Variants in CYB5R4 observed in about 807,000 individuals in gnomAD.
CYB5R4 encodes cytochrome b5 reductase 4.
In CYB5R4, 55 loss-of-function variants were observed where a neutral mutation model predicts 70.2. The ratio of observed to expected loss-of-function variants is 0.78; its 90% CI spans 0.63 to 0.98. The LOEUF is 0.98. CYB5R4 is among the 50% of genes least tolerant of loss of function. The probability of loss-of-function intolerance (pLI) is 0.00; values close to 1 mark genes in which losing one functional copy is unlikely to be tolerated. For synonymous variants in CYB5R4, 197 were observed against 199.5 expected, an observed-to-expected ratio of 0.99 and a Z score of 0.11; for missense variants, 562 against 612.6, an observed-to-expected ratio of 0.92 and a Z score of 0.87.
At chr6:83,884,350 C>G (rs1277622160) in intron 2 of CYB5R4, among the ~76,000 whole-genome samples, 1 of 151,938 alleles carries the variant, frequency 6.6e-6, no homozygotes, top group Non-Finnish European at 1.5e-5. Flanking sequence ...AAAAAGTATG[C>G]TATCCAGCTA....
chr6:83,899,845 TTCTTCTC>T (rs2099462578), intron 3 of CYB5R4, among the ~76,000 whole-genome samples: 1 of 152,284 alleles, frequency 6.6e-6, no homozygotes, highest in South Asian at 2.1e-4. Flanking sequence ...ATCTATTTGA[TTCTTCTC>T]TCTTTTCTTC....
At chr6:83,870,258 C>A (rs1219160879) in intron 2 of CYB5R4, among the ~76,000 whole-genome samples, 2 of 152,140 alleles carry the variant, frequency 1.3e-5, no homozygotes, top group Non-Finnish European at 2.9e-5. Flanking sequence ...TTCCAAGGAG[C>A]AATGGGTCAG....
chr6:83,877,052 G>A (rs562619641), intron 2 of CYB5R4, among the ~76,000 whole-genome samples: 3 of 152,130 alleles, frequency 2.0e-5, no homozygotes, highest in East Asian at 3.9e-4. Context: ...GGATGGTTTC[G>A]ATCTCCTGAC....
At chr6:83,864,073 G>A (rs935263095) in intron 1 of CYB5R4, 102 bp from the exon 2 acceptor site, 1 of 1,096,700 alleles carries the variant, frequency 9.1e-7, no homozygotes, top group South Asian at 1.8e-5. Context: ...TCTTAAAACT[G>A]TAAAAGGATT....
chr6:83,956,644 T>C (rs960796966), intron 15 of CYB5R4, among the ~76,000 whole-genome samples: 5 of 152,150 alleles, frequency 3.3e-5, no homozygotes, highest in African/African-American at 1.2e-4. Flanking sequence ...GAAGAAGATC[T>C]AGCTATGTTA....
At chr6:83,876,405 T>C (rs2099458561) in intron 2 of CYB5R4, among the ~76,000 whole-genome samples, 1 of 152,146 alleles carries the variant, frequency 6.6e-6, no homozygotes, top group African/African-American at 2.4e-5. Flanking sequence ...CCATAAATTC[T>C]TCAACTGCCT....
intron 7 of CYB5R4, among the ~76,000 whole-genome samples, chr6:83,920,284 C>A (rs1016381751): frequency 2.6e-5 from 4 of 152,106 alleles, no homozygotes; most frequent in Admixed American, 2.6e-4. Flanking sequence ...CATGTCTGAA[C>A]CAGTGGGTTC....
At chr6:83,924,698 C>T (rs2099466980) in intron 10 of CYB5R4, 106 bp downstream of exon 10, 2 of 1,175,918 alleles carry the variant, frequency 1.7e-6, no homozygotes, top group African/African-American at 1.5e-5. Flanking sequence ...GCTGAAGGGT[C>T]CTTGTATCTA....
intron 12 of CYB5R4, among the ~76,000 whole-genome samples, chr6:83,939,098 A>G (rs1361761441): frequency 6.6e-6 from 1 of 152,086 alleles, no homozygotes; most frequent in African/African-American, 2.4e-5. Context: ...GGCCTCCCGA[A>G]GTGCTGGGAT....
chr6:83,872,947 A>T (rs2099457876), intron 2 of CYB5R4, among the ~76,000 whole-genome samples: 2 of 152,222 alleles, frequency 1.3e-5, no homozygotes, highest in Admixed American at 6.5e-5. Flanking sequence ...ATTAATGTCT[A>T]CCACAGAGAG....
In CYB5R4 at chr6:83,934,726, C is replaced by A. The variant is rs10080628; in HGVS notation, c.946C>A (p.Pro316Thr). 1 of 1,612,022 alleles carries A rather than the reference C, an allele frequency of 6.2e-7. No individual in the cohort carries two copies. Among genetic ancestry groups the A allele is most frequent in the South Asian group, 1.1e-5 (1 of 90,658 alleles). Residue 316 changes from proline to threonine, a missense_variant, in exon 11 of 16, where the codon CCT (proline) becomes ACT (threonine). By Grantham distance (38) the Pro-to-Thr change is conservative. Transcript: ENST00000369681. ...TGGGCAACATGTTTACCTCAAGCTA[C>A]CTATTACAGGTAAGGTGAATAGAGG... ...PIGQHVYLKL[P>T]ITGTEIVKPY...
chr6:83,865,245 C>T (rs1215305970), intron 2 of CYB5R4, among the ~76,000 whole-genome samples: 2 of 152,104 alleles, frequency 1.3e-5, no homozygotes, highest in Non-Finnish European at 2.9e-5. Context: ...AGTATGGTCA[C>T]TTAAAGAGGT....
intron 4 of CYB5R4, chr6:83,910,097 T>C: frequency 6.2e-7 from 1 of 1,608,338 alleles, no homozygotes; most frequent in South Asian, 1.1e-5. Context: ...GAGCTGAGGA[T>C]GGAGATAGAC....
chr6:83,922,601 A>G (rs2099466556), intron 9 of CYB5R4, 131 bp downstream of exon 9: 1 of 647,516 alleles, frequency 1.5e-6, no homozygotes, highest in African/African-American at 2.0e-5. Context: ...ATTGCAAAAC[A>G]AAGATGTGAT....
intron 2 of CYB5R4, among the ~76,000 whole-genome samples, chr6:83,890,220 C>G (rs1235575459): frequency 6.6e-6 from 1 of 152,164 alleles, no homozygotes; most frequent in Non-Finnish European, 1.5e-5. Context: ...ATTCACCATT[C>G]TGGATGCCAT....
intron 2 of CYB5R4, among the ~76,000 whole-genome samples, chr6:83,866,818 T>C (rs1232419551): frequency 6.6e-6 from 1 of 152,004 alleles, no homozygotes; most frequent in Non-Finnish European, 1.5e-5. Flanking sequence ...AGGGTCTTGC[T>C]CTGTTGCCCA....
rs953465325 is a variant in CYB5R4, at chr6:83,965,127, A to G, written c.*5249A>G. ...AAATGTGGGGTTGGAGCCCCCTCAC[A>G]GAGTCCCTACTGGGACACCGCCTAG... On this transcript the variant is annotated 3_prime_UTR_variant, in exon 16 of 16. Transcript: ENST00000369681. 1.3e-5 allele frequency: 2 copies of G among 152,298 alleles called. No homozygotes were observed. 9.4% of individuals were successfully genotyped at this position (152,298 alleles called of 1,614,324 possible).
chr6:83,915,717 C>A lies in CYB5R4; in HGVS notation c.445+1269C>A, dbSNP rs61763811. 4.2e-3 allele frequency among the ~76,000 whole-genome samples: 640 copies of A among 152,282 alleles called. 5 individuals are homozygous for A. Among genetic ancestry groups the A allele is most frequent in the African/African-American group, 0.015 (610 of 41,568 alleles). On this transcript the variant is annotated intron_variant, in intron 5 of 15. Transcript: ENST00000369681. ...TGGACCCTGTAAGATTGGAACATAT[C>A]TGTCTATCTATATATTTATTAGCTG... is the stretch of plus-strand genomic sequence containing the variant.
At chr6:83,920,085 A>G (rs1030016676) in intron 7 of CYB5R4, among the ~76,000 whole-genome samples, 2 of 152,114 alleles carry the variant, frequency 1.3e-5, no homozygotes, top group Admixed American at 1.3e-4. Context: ...ATACGTAGAG[A>G]CCTGACTTTC....
Sources: gnomAD v4.1 joint callset for allele counts (sites outside exome capture counted in the v4.1 genomes callset) on GRCh38, gnomAD v4.1.1 for gene constraint, MANE v1.5 for transcripts, NCBI Gene and HGNC (gene_info 2026-07-23, HGNC 2026-07-21) for gene names.